The following SMAD3 variants were observed in gnomAD, a reference collection of about 807,000 sequenced individuals.
SMAD3 encodes SMAD family member 3.
In SMAD3, 12 loss-of-function variants were observed where a neutral mutation model predicts 51.8. The observed-to-expected ratio is 0.23, with a 90% CI of 0.15 to 0.38. The LOEUF (loss-of-function observed/expected upper bound fraction) is 0.38. SMAD3 is among the 10% of genes least tolerant of loss of function. The pLI is 1.00. For missense variants in SMAD3, 294 were observed against 565.6 expected (o/e 0.52, Z 4.87); for synonymous variants, 238 against 227.7 (o/e 1.05, Z -0.41).
At chr15:67,087,088 A>G (rs146473888) in intron 1 of SMAD3, among the ~76,000 whole-genome samples, 1 of 151,930 alleles carries the variant, frequency 6.6e-6, no homozygotes, top group African/African-American at 2.4e-5. Flanking sequence ...GGGTTTCACT[A>G]TGTTGGCCAG....
intron 1 of SMAD3, among the ~76,000 whole-genome samples, chr15:67,120,197 C>T (rs1050852358): frequency 6.6e-6 from 1 of 152,156 alleles, no homozygotes; most frequent in Non-Finnish European, 1.5e-5. Flanking sequence ...CCGTAAGTCC[C>T]TGGAGTACAC....
At chr15:67,084,131 A>G (rs553116646) in intron 1 of SMAD3, among the ~76,000 whole-genome samples, 7 of 124,270 alleles carry the variant, frequency 5.6e-5, no homozygotes, top group African/African-American at 2.1e-4. Flanking sequence ...GCTGGAGTGC[A>G]GTGATGCGAT....
intron 1 of SMAD3, among the ~76,000 whole-genome samples, chr15:67,126,496 G>T (rs1050410462): frequency 1.3e-5 from 2 of 152,174 alleles, no homozygotes; most frequent in Non-Finnish European, 1.5e-5. Flanking sequence ...GATTGTTACA[G>T]ATCTTCATGT....
intron 1 of SMAD3, among the ~76,000 whole-genome samples, chr15:67,153,926 C>G (rs573487412): frequency 6.6e-6 from 1 of 152,318 alleles, no homozygotes; most frequent in African/African-American, 2.4e-5. Flanking sequence ...CTGTGCCCAC[C>G]CATGGCCCTT....
At chr15:67,116,773 A>G (rs374338037) in intron 1 of SMAD3, among the ~76,000 whole-genome samples, 1 of 152,150 alleles carries the variant, frequency 6.6e-6, no homozygotes, top group South Asian at 2.1e-4. Context: ...TGATGGGGGT[A>G]TCTGTTCTGC....
rs573550008 is a variant in SMAD3 at position 67,186,479 on chromosome 15, G to A, written c.1010-886G>A. Among the ~76,000 whole-genome samples, 139 of 152,244 alleles carry A rather than the reference G, an allele frequency of 9.1e-4. 1 individual carries two copies. The highest frequency in any genetic ancestry group is 3.4e-3 in the Middle Eastern group (1 of 294). On this transcript the variant is annotated intron_variant, in intron 7 of 8. Transcript: ENST00000327367. ...AGACACAGGGTCCCCAAGAGAAAGC[G>A]ACCAGCTCAGAGTCACACAGCAAGA...
At chr15:67,125,650 A>G in intron 1 of SMAD3, 1 of 933,280 alleles carries the variant, frequency 1.1e-6, no homozygotes. Context: ...TTGATTTGAA[A>G]TATGAAAAGC....
Position 67,068,650 on chromosome 15 carries a change from C to CT in SMAD3, c.206+2298dup, listed in dbSNP as rs1340661275. On this transcript the variant is annotated intron_variant, in intron 1 of 8. Coordinates refer to ENST00000327367, the MANE Select transcript of SMAD3 (RefSeq NM_005902.4). ...TACAAAAGTAGATTTTTTTTTTCAT[C>CT]TTTTTTTTCAGTTAGGGAAACCCAG... Among the ~76,000 whole-genome samples the CT allele has an allele frequency of 5.3e-5, 8 of 151,566 alleles. No homozygotes were observed. In the East Asian group the frequency reaches 5.8e-4, roughly 11 times the overall value.
intron 1 of SMAD3, among the ~76,000 whole-genome samples, chr15:67,084,783 T>G (rs537785599): frequency 7.2e-5 from 11 of 152,342 alleles, no homozygotes; most frequent in Admixed American, 3.9e-4. Context: ...TTTTCTGTGC[T>G]TCTAGGCACC....
At chr15:67,081,704 A>G (rs1411310480) in intron 1 of SMAD3, among the ~76,000 whole-genome samples, 1 of 152,122 alleles carries the variant, frequency 6.6e-6, no homozygotes, top group African/African-American at 2.4e-5. Context: ...TACCGTCTAT[A>G]AACGTTGCAT....
At position 67,083,145 on chromosome 15, in the gene SMAD3, C is replaced by T. The variant is rs538036841; in HGVS notation, c.206+16785C>T. Among the ~76,000 whole-genome samples the T allele has an allele frequency of 9.2e-5, 14 of 152,330 alleles. No homozygotes were observed. In the East Asian group the frequency reaches 1.4e-3, roughly 15 times the overall value. On this transcript the variant is annotated intron_variant, in intron 1 of 8. Transcript: ENST00000327367. ...AGGTGAGCCGGGGCATGAAACCAGA[C>T]GAAGTTGCCGCAGTGCGAGGCTGGT...
chr15:67,130,045 T>G (rs923785520), intron 1 of SMAD3, among the ~76,000 whole-genome samples: 4 of 152,360 alleles, frequency 2.6e-5, no homozygotes, highest in Non-Finnish European at 4.4e-5. Context: ...GAGCTTGGTC[T>G]TCTTCCCATT....
chr15:67,105,219 G>T (rs1344209094), intron 1 of SMAD3, among the ~76,000 whole-genome samples: 1 of 152,194 alleles, frequency 6.6e-6, no homozygotes, highest in Non-Finnish European at 1.5e-5. Context: ...AAACAAAAAG[G>T]TTGGATGAGG....
intron 1 of SMAD3, among the ~76,000 whole-genome samples, chr15:67,120,617 G>T (rs919781164): frequency 2.6e-5 from 4 of 152,176 alleles, no homozygotes; most frequent in African/African-American, 9.7e-5. Context: ...CAATGGTGTT[G>T]CCTGGGAACA....
rs577168621 is a variant in SMAD3, at chr15:67,194,782, G to T, written c.*4246G>T. The T allele has an allele frequency of 2.8e-4, 66 of 232,442 alleles. No individual in the cohort carries two copies. The highest frequency in any genetic ancestry group is 1.2e-3 in the Admixed American group (21 of 17,740). 14.4% of individuals were successfully genotyped at this position (232,442 alleles called of 1,614,324 possible). A position where few individuals can be genotyped will look rare whatever the true frequency, so the allele number is the denominator to read the frequency against. ...ACAGACAGCTCTGAGTCAAATCTGG[G>T]CCCTTCCACAAGGGTCCTCTGAACC... On this transcript the variant is annotated 3_prime_UTR_variant, in exon 9 of 9. Transcript: ENST00000327367.
chr15:67,133,705 C>G (rs1961584569), intron 1 of SMAD3, among the ~76,000 whole-genome samples: 1 of 152,158 alleles, frequency 6.6e-6, no homozygotes, highest in Non-Finnish European at 1.5e-5. Flanking sequence ...GGTTTTCACT[C>G]AAGGCCGTGG....
chr15:67,143,911 A>G (rs1961902645), intron 1 of SMAD3, among the ~76,000 whole-genome samples: 1 of 149,128 alleles, frequency 6.7e-6, no homozygotes, highest in Non-Finnish European at 1.5e-5. Flanking sequence ...CTGGGAGTAC[A>G]GCCTGCTTTG....
At chr15:67,075,696 C>T (rs2140198939) in intron 1 of SMAD3, among the ~76,000 whole-genome samples, 1 of 152,264 alleles carries the variant, frequency 6.6e-6, no homozygotes, top group Non-Finnish European at 1.5e-5. Context: ...GGATGGATCA[C>T]CTGAGGTCAA....
intron 1 of SMAD3, among the ~76,000 whole-genome samples, chr15:67,150,846 T>TA (rs1962118385): frequency 3.3e-5 from 2 of 61,128 alleles, no homozygotes. Flanking sequence ...TATTTCTCAG[T>TA]CTTTTTTTTT....
Sources: gnomAD v4.1 joint callset for allele counts (sites outside exome capture counted in the v4.1 genomes callset) on GRCh38, gnomAD v4.1.1 for gene constraint, MANE v1.5 for transcripts, NCBI Gene and HGNC (gene_info 2026-07-23, HGNC 2026-07-21) for gene names.